The following STARD13 variants were observed in gnomAD, a reference collection of about 807,000 sequenced individuals.
The protein encoded by STARD13 is StAR related lipid transfer domain containing 13.
Under a neutral mutation model 106.4 loss-of-function variants are expected in STARD13, and 62 were observed. The observed-to-expected ratio is 0.58, with a 90% CI of 0.48 to 0.72. The LOEUF (loss-of-function observed/expected upper bound fraction) is 0.72. Among genes scored for constraint, STARD13 ranks in the 30% least tolerant of loss-of-function variants. STARD13 has a pLI of 0.00. For synonymous variants in STARD13, 565 were observed against 553.0 expected (o/e 1.02, Z -0.31); for missense variants, 1,387 against 1,424.0 (o/e 0.97, Z 0.42).
At chr13:33,415,665 C>T in the STARD13 span, among the ~76,000 whole-genome samples, 1 of 151,794 alleles carries the variant, frequency 6.6e-6, no homozygotes, top group Admixed American at 6.5e-5. Context: ...AATTTCAGAT[C>T]GTTGTGTATA....
chr13:33,543,253 TC>T, the STARD13 span, among the ~76,000 whole-genome samples: 1 of 152,182 alleles, frequency 6.6e-6, no homozygotes, highest in Non-Finnish European at 1.5e-5. Context: ...AGCTTTTGTT[TC>T]CTTTGGCCTA....
At chr13:33,274,003 G>A (rs1314796282) in intron 1 of STARD13, 1 of 152,008 alleles carries the variant, frequency 6.6e-6, no homozygotes. Context: ...ATCTTCAAGG[G>A]AGGGCTGTTG....
At chr13:33,407,045 T>G in the STARD13 span, among the ~76,000 whole-genome samples, 1 of 152,202 alleles carries the variant, frequency 6.6e-6, no homozygotes, top group African/African-American at 2.4e-5. Flanking sequence ...GAGGTAATGA[T>G]GTACTAGTTC....
At chr13:33,148,042 G>C (rs1403944136) in intron 3 of STARD13, among the ~76,000 whole-genome samples, 2 of 152,214 alleles carry the variant, frequency 1.3e-5, no homozygotes, top group African/African-American at 4.8e-5. Context: ...TCTAGACACA[G>C]ACCTTATATC....
At chr13:33,622,101 G>T in the STARD13 span, among the ~76,000 whole-genome samples, 4 of 151,986 alleles carry the variant, frequency 2.6e-5, no homozygotes, top group African/African-American at 9.7e-5. Flanking sequence ...CACTGTGGAG[G>T]CCTGCACTTG....
chr13:33,466,609 T>C, the STARD13 span, among the ~76,000 whole-genome samples: 21 of 152,326 alleles, frequency 1.4e-4, no homozygotes, highest in African/African-American at 5.1e-4. Flanking sequence ...GAAATGAATG[T>C]GCTTACTATT....
At chr13:33,674,244 C>T in the STARD13 span, among the ~76,000 whole-genome samples, 2 of 152,164 alleles carry the variant, frequency 1.3e-5, no homozygotes, top group Non-Finnish European at 2.9e-5. Flanking sequence ...CATGTTTGTT[C>T]ATGAAGAGTT....
chr13:33,300,151 A>G (rs567551064), intron 1 of STARD13, among the ~76,000 whole-genome samples: 1 of 152,160 alleles, frequency 6.6e-6, no homozygotes, highest in Non-Finnish European at 1.5e-5. Flanking sequence ...AAATTAGTTC[A>G]TTTTTCTGCA....
intron 1 of STARD13, among the ~76,000 whole-genome samples, chr13:33,265,971 C>T (rs1046661270): frequency 6.6e-6 from 1 of 152,072 alleles, no homozygotes; most frequent in Non-Finnish European, 1.5e-5. Flanking sequence ...ATTGTCCATC[C>T]CGAAAAGTTA....
At chr13:33,501,223 C>A in the STARD13 span, among the ~76,000 whole-genome samples, 1 of 151,566 alleles carries the variant, frequency 6.6e-6, no homozygotes, top group Non-Finnish European at 1.5e-5. Flanking sequence ...ATTACAGGCA[C>A]CCACTGCCAC....
chr13:33,547,202 T>G, the STARD13 span, among the ~76,000 whole-genome samples: 1 of 152,214 alleles, frequency 6.6e-6, no homozygotes, highest in South Asian at 2.1e-4. Flanking sequence ...GGATTTAGTT[T>G]GTCAGCCTTG....
At chr13:33,322,346 C>G (rs1278016042) in intron 1 of STARD13, among the ~76,000 whole-genome samples, 1 of 152,218 alleles carries the variant, frequency 6.6e-6, no homozygotes, top group Non-Finnish European at 1.5e-5. Context: ...TCTTGTCCTA[C>G]AGGCTCAAGG....
chr13:33,343,601 ATCT>A (rs143802115), intron 1 of STARD13, among the ~76,000 whole-genome samples: 8,465 of 74,944 alleles, frequency 0.11, 1,457 homozygotes, highest in African/African-American at 0.23. Flanking sequence ...AAAAAAACAA[ATCT>A]ACAAATCTAG....
chr13:33,359,315 T>C, the STARD13 span: 2 of 164,568 alleles, frequency 1.2e-5, no homozygotes, highest in African/African-American at 4.9e-5. Context: ...CGCGCTGCCT[T>C]AAGAGCTGTA....
chr13:33,464,024 C>CATATATATATATAT, the STARD13 span, among the ~76,000 whole-genome samples: 1,581 of 111,492 alleles, frequency 0.014, 14 homozygotes, highest in Non-Finnish European at 0.022. Context: ...AAAAAAAATA[C>CATATATATATATAT]ATATATATAT....
At chr13:33,551,215 A>G in the STARD13 span, among the ~76,000 whole-genome samples, 12 of 152,322 alleles carry the variant, frequency 7.9e-5, no homozygotes, top group South Asian at 1.4e-3. Context: ...ATGTGCCTGC[A>G]TGACGAAGTC....
chr13:33,282,967 C>T (rs1168867481), intron 1 of STARD13, among the ~76,000 whole-genome samples: 4 of 152,136 alleles, frequency 2.6e-5, no homozygotes, highest in Admixed American at 2.0e-4. Context: ...GAGGTCAATG[C>T]TACAGTGAAC....
chr13:33,607,606 T>C, the STARD13 span, among the ~76,000 whole-genome samples: 1 of 152,086 alleles, frequency 6.6e-6, no homozygotes, highest in Non-Finnish European at 1.5e-5. Flanking sequence ...CATTGTTTCT[T>C]TTCTGATGGT....
the STARD13 span, among the ~76,000 whole-genome samples, chr13:33,495,027 C>T: frequency 7.0e-6 from 1 of 143,802 alleles, no homozygotes; most frequent in East Asian, 2.0e-4. Context: ...TGACATGACT[C>T]AGTGACTCCA....
Sources: gnomAD v4.1 joint callset for allele counts (sites outside exome capture counted in the v4.1 genomes callset) on GRCh38, gnomAD v4.1.1 for gene constraint, MANE v1.5 for transcripts, NCBI Gene and HGNC (gene_info 2026-07-23, HGNC 2026-07-21) for gene names.